DTX1: variants seen among roughly 807,000 people sequenced by gnomAD.
The protein encoded by DTX1 is deltex E3 ubiquitin ligase 1, also known as E3 ubiquitin-protein ligase DTX1.
DTX1 carries 26 observed loss-of-function variants against 57.8 expected under a neutral mutation model. That is an observed-to-expected ratio of 0.45 (90% CI 0.33 to 0.62). The LOEUF (loss-of-function observed/expected upper bound fraction) is 0.62, where lower values mean the gene tolerates loss of function less well. Ranked by LOEUF, DTX1 falls within the 20% of genes least tolerant of loss-of-function variation. The pLI is 0.02. For missense variants in DTX1, 704 were observed against 895.3 expected, an observed-to-expected ratio of 0.79 and a Z score of 2.73; for synonymous variants, 398 against 394.1, an observed-to-expected ratio of 1.01 and a Z score of -0.12.
rs535966136 is a variant in DTX1, at chr12:113,074,958, G to A, written c.260-2466G>A. 1.1e-4 allele frequency among the ~76,000 whole-genome samples: 17 copies of A among 152,308 alleles called. No individual in the cohort carries two copies. In the East Asian group the frequency reaches 3.1e-3, roughly 28 times the overall value. On this transcript the variant is annotated intron_variant, in intron 2 of 9. Coordinates refer to ENST00000548759, the MANE Select transcript of DTX1 (RefSeq NM_004416.3). ...CAGGAGGAGCAGGTTTGGGGCAGGG[G>A]AGAGCAGAGCTGAGTTCAAGGTGCC...
chr12:113,075,168 T>A (rs2044762758), intron 2 of DTX1, among the ~76,000 whole-genome samples: 1 of 152,352 alleles, frequency 6.6e-6, no homozygotes, highest in South Asian at 2.1e-4. Flanking sequence ...CATGTCTGCT[T>A]ATGCCCATTT....
rs1262913778 is a variant in DTX1 at position 113,077,737 on chromosome 12, C to G, written c.573C>G (p.Pro191=). 7.2e-6 allele frequency: 11 copies of G among 1,533,160 alleles called. No individual in the cohort carries two copies. The highest frequency in any genetic ancestry group is 9.6e-6 in the Non-Finnish European group (11 of 1,144,848). The allele number at this position is 1,533,160 out of a possible 1,614,324, so 95.0% of individuals were successfully genotyped here. A position where few individuals can be genotyped will look rare whatever the true frequency, so the allele number is the denominator to read the frequency against. ...VGSIPKSQSW[P]VGASSGQPCS... is the part of the protein sequence containing the mutation. ...CCATCCCTAAGTCGCAGTCGTGGCC[C>G]GTGGGCGCCAGCTCGGGCCAGCCCT... Residue 191 remains proline (P), a synonymous_variant, in exon 3 of 10, where the codon CCC becomes CCG. Coordinates refer to ENST00000548759, the MANE Select transcript of DTX1 (RefSeq NM_004416.3). This position sits in a 1 kb window ranked among gnomAD's most constrained non-coding sequence, Gnocchi z 7.8.
intron 2 of DTX1, among the ~76,000 whole-genome samples, chr12:113,064,016 G>C (rs1261229097): frequency 6.6e-6 from 1 of 152,186 alleles, no homozygotes; most frequent in Non-Finnish European, 1.5e-5. Flanking sequence ...CCAGGGCTGA[G>C]AGAACCCCTT....
chr12:113,070,069 A>T (rs554903414), intron 2 of DTX1, among the ~76,000 whole-genome samples: 1 of 152,114 alleles, frequency 6.6e-6, no homozygotes, highest in Admixed American at 6.5e-5. Context: ...CAGCTGGACC[A>T]CTCACAGATG....
chr12:113,094,770 C>T lies in DTX1; in HGVS notation c.1228-19C>T. ...CCCTGCCCTCCCCAGTCCTCAGTCTCCCCTGCTGCCACCTGCAGGACTGCA... is the reference window on the plus strand; with the variant it reads ...CCCTGCCCTCCCCAGTCCTCAGTCTTCCCTGCTGCCACCTGCAGGACTGCA... On this transcript the variant is annotated intron_variant, in intron 6 of 9. Transcript: ENST00000548759. 1.2e-6 allele frequency: 2 copies of T among 1,610,126 alleles called. No homozygotes were observed. Among genetic ancestry groups the T allele is most frequent in the Admixed American group, 3.3e-5 (2 of 59,864 alleles).
rs537324019 is a variant in DTX1, at chr12:113,095,361, G to C, written c.1585G>C (p.Ala529Pro). 2 of 1,614,192 alleles carry C rather than the reference G, an allele frequency of 1.2e-6. No individual in the cohort carries two copies. The highest frequency in any genetic ancestry group is 1.7e-5 in the Admixed American group (1 of 60,016). ...EHPNPGKKFT[A>P]RGFPRHCYLP... The stretch of plus-strand genomic sequence containing the variant: ...CCCCAACCCCGGGAAGAAGTTCACC[G>C]CAAGAGGATTCCCTCGCCACTGCTA... The change falls in exon 9 of 10, where the codon GCA becomes CCA. Residue 529 changes from alanine (A) to proline (P), a missense_variant. Around this residue, in one of 3 missense-constraint regions of DTX1, gnomAD observed 168 missense variants for 255.6 expected, o/e 0.66. Coordinates refer to ENST00000548759, the MANE Select transcript of DTX1 (RefSeq NM_004416.3).
chr12:113,096,423 C>T (rs1950292767), intron 9 of DTX1, among the ~76,000 whole-genome samples: 1 of 88,424 alleles, frequency 1.1e-5, no homozygotes, highest in African/African-American at 4.6e-5. Flanking sequence ...CTGAGCAACA[C>T]AGCAAGACTC....
intron 9 of DTX1, 131 bp downstream of exon 9, chr12:113,095,545 A>G: frequency 8.8e-7 from 1 of 1,132,960 alleles, no homozygotes. Flanking sequence ...GCACCCGAAC[A>G]GTAACGACCA....
chr12:113,061,375 A>G (rs61942305), intron 2 of DTX1, among the ~76,000 whole-genome samples: 1 of 152,200 alleles, frequency 6.6e-6, no homozygotes, highest in Non-Finnish European at 1.5e-5. Context: ...CTCACCAGAT[A>G]TGTGAGGGTT....
At chr12:113,083,007 C>T (rs893600614) in intron 3 of DTX1, among the ~76,000 whole-genome samples, 4 of 152,156 alleles carry the variant, frequency 2.6e-5, no homozygotes, top group East Asian at 1.9e-4. Context: ...ACTAGAAGTC[C>T]GAGATCACGG....
Position 113,094,943 on chromosome 12 carries a change from A to G in DTX1, c.1382A>G (p.Asn461Ser). 2 of 1,612,588 alleles carry G rather than the reference A, an allele frequency of 1.2e-6. No individual in the cohort carries two copies. Among genetic ancestry groups the G allele is most frequent in the Non-Finnish European group, 8.5e-7 (1 of 1,179,002 alleles). The change falls in exon 7 of 10, where the codon AAC becomes AGC. Residue 461 changes from asparagine to serine, a missense_variant. By Grantham distance (46) the Asn-to-Ser change is conservative. Transcript: ENST00000548759. ...CTCGTGGCCATGTACTCCAATGGCA[A>G]CAAGGTGGGTTGGGCGGGACAATGG... is the stretch of plus-strand genomic sequence containing the variant. ...LCLVAMYSNG[N>S]KDGSLQCPTC... is the part of the protein sequence containing the mutation.
intron 3 of DTX1, among the ~76,000 whole-genome samples, chr12:113,088,027 C>T (rs2136064616): frequency 6.6e-6 from 1 of 152,330 alleles, no homozygotes. Flanking sequence ...AAGACTTCAG[C>T]CCACCTGTAG....
chr12:113,082,708 G>A (rs2136062079), intron 3 of DTX1, among the ~76,000 whole-genome samples: 1 of 152,170 alleles, frequency 6.6e-6, no homozygotes, highest in East Asian at 1.9e-4. Flanking sequence ...AAATCCTCCT[G>A]ATTCAGCCTC....
At chr12:113,078,335 C>T (rs1275605463) in intron 3 of DTX1, among the ~76,000 whole-genome samples, 1 of 152,174 alleles carries the variant, frequency 6.6e-6, no homozygotes, top group Admixed American at 6.5e-5. Flanking sequence ...TAGGTACCAT[C>T]ATCACCTCCA....
intron 2 of DTX1, among the ~76,000 whole-genome samples, chr12:113,062,805 A>T (rs1289970800): frequency 6.6e-6 from 1 of 152,244 alleles, no homozygotes; most frequent in Non-Finnish European, 1.5e-5. Context: ...CTCTGGCCCC[A>T]CAGGGGCTGC....
intron 8 of DTX1, 25 bp downstream of exon 8, chr12:113,095,228 GC>G: frequency 1.2e-6 from 2 of 1,603,726 alleles, no homozygotes; most frequent in South Asian, 1.1e-5. Context: ...CGCCTCTCTG[GC>G]CCCCAGCCCC....
intron 3 of DTX1, among the ~76,000 whole-genome samples, chr12:113,080,139 G>A (rs1284876295): frequency 6.6e-6 from 1 of 152,206 alleles, no homozygotes; most frequent in Non-Finnish European, 1.5e-5. Context: ...TCTCGGAGGA[G>A]AGGGTCATGG....
At chr12:113,092,894 G>A in intron 3 of DTX1, among the ~76,000 whole-genome samples, 1 of 152,242 alleles carries the variant, frequency 6.6e-6, no homozygotes, top group East Asian at 1.9e-4. Flanking sequence ...CCTCTCGAGG[G>A]AGGAGCCGGC....
chr12:113,066,400 C>A (rs755020287), intron 2 of DTX1, among the ~76,000 whole-genome samples: 3 of 151,858 alleles, frequency 2.0e-5, no homozygotes, highest in African/African-American at 7.3e-5. Context: ...TGGTGGTGGG[C>A]GCCTGTAATC....
Sources: allele counts gnomAD v4.1 joint callset (sites outside exome capture counted in the v4.1 genomes callset), GRCh38; gene constraint gnomAD v4.1.1; regional missense constraint gnomAD v4.1.1; non-coding constraint Gnocchi (gnomAD v3.1); transcripts MANE v1.5; gene names NCBI Gene and HGNC (gene_info 2026-07-23, HGNC 2026-07-21).